ACACB: variants seen among roughly 807,000 people sequenced by gnomAD.
ACACB encodes acetyl-CoA carboxylase beta.
A neutral mutation model predicts 278.8 loss-of-function variants in ACACB; 209 were observed. That is an observed-to-expected ratio of 0.75 (90% CI 0.67 to 0.84). The LOEUF is 0.84. Among genes scored for constraint, ACACB ranks in the 40% least tolerant of loss-of-function variants. ACACB has a pLI of 0.00. For missense variants in ACACB, 2,850 were observed against 3,269.0 expected (o/e 0.87, Z 3.13); for synonymous variants, 1,174 against 1,285.6 (o/e 0.91, Z 1.86).
In ACACB at chr12:109,264,287, T is replaced by G. The variant is rs1252915199; in HGVS notation, c.6843T>G (p.Ala2281=). 8 of 1,614,064 alleles carry G rather than the reference T, an allele frequency of 5.0e-6. No individual in the cohort carries two copies. Among genetic ancestry groups the G allele is most frequent in the Admixed American group, 3.3e-5 (2 of 60,008 alleles). Residue 2281 remains alanine (A), a synonymous_variant, in exon 50 of 53, where the codon GCT becomes GCG. Transcript: ENST00000338432. ...AGGACCTGGAGGGCCGGCTAAAGGC[T>G]CGCGAGGACCTGCTGCTCCCCATCT... ...DRKDLEGRLK[A]REDLLLPIYH...
rs940389472 is a variant in ACACB at position 109,246,361 on chromosome 12, A to G, written c.5484A>G (p.Ala1828=). ...RAEGIPKIYV[A]ANSGARIGMA... ...AGGGCATTCCCAAAATTTACGTGGC[A>G]GCCAACAGTGGCGCCCGTATTGGCA... is the stretch of plus-strand genomic sequence containing the variant. The change falls in exon 39 of 53, where the codon GCA becomes GCG. Residue 1828 remains alanine (A), a synonymous_variant. Coordinates refer to ENST00000338432, the MANE Select transcript of ACACB (RefSeq NM_001093.4). 1.2e-6 allele frequency: 2 copies of G among 1,613,186 alleles called. No homozygotes were observed. Among genetic ancestry groups the G allele is most frequent in the Admixed American group, 1.7e-5 (1 of 59,816 alleles).
intron 26 of ACACB, among the ~76,000 whole-genome samples, chr12:109,223,230 G>A (rs1036226294): frequency 2.0e-5 from 3 of 152,070 alleles, no homozygotes; most frequent in Admixed American, 6.6e-5. Flanking sequence ...GCTGAGTCGC[G>A]GCCTCATCTT....
intron 19 of ACACB, among the ~76,000 whole-genome samples, chr12:109,205,406 C>T (rs2045472072): frequency 6.6e-6 from 1 of 151,740 alleles, no homozygotes; most frequent in Admixed American, 6.6e-5. Context: ...TGGGGACCCA[C>T]ATGGAGAAGC....
At chr12:109,250,262 C>A (rs997444531) in intron 41 of ACACB, among the ~76,000 whole-genome samples, 158 bp downstream of exon 41, 2 of 152,274 alleles carry the variant, frequency 1.3e-5, no homozygotes, top group Middle Eastern at 3.4e-3. Flanking sequence ...CTCAATCTCA[C>A]CCCCATCCCC....
chr12:109,180,284 T>C (rs2044423014), intron 11 of ACACB, among the ~76,000 whole-genome samples, 197 bp downstream of exon 11: 2 of 152,342 alleles, frequency 1.3e-5, no homozygotes, highest in Middle Eastern at 3.4e-3. Flanking sequence ...AGGACATTCA[T>C]AGACCTAGAG....
At chr12:109,233,170 G>C (rs953022027) in intron 29 of ACACB, among the ~76,000 whole-genome samples, 2 of 152,118 alleles carry the variant, frequency 1.3e-5, no homozygotes, top group Non-Finnish European at 2.9e-5. Flanking sequence ...AATAATAAAG[G>C]ACTCACTTCA....
chr12:109,250,708 A>G (rs112832505), intron 41 of ACACB, among the ~76,000 whole-genome samples: 3 of 152,014 alleles, frequency 2.0e-5, no homozygotes, highest in African/African-American at 4.8e-5. Flanking sequence ...TGGTGGTGGT[A>G]GTAGTAGTAG....
In ACACB at chr12:109,185,585, A is replaced by G. The variant is rs2044627271; in HGVS notation, c.1825A>G (p.Met609Val). 1.2e-6 allele frequency: 2 copies of G among 1,613,800 alleles called. No homozygotes were observed. Among genetic ancestry groups the G allele is most frequent in the Non-Finnish European group, 1.7e-6 (2 of 1,179,996 alleles). ...NLPAAQLQIA[M>V]GVPLHRLKDI... ...TTGGATCTCTTGATTTTAGATCGCCATGGGCGTGCCACTGCACCGGCTGAA... is the reference window on the plus strand; with the variant it reads ...TTGGATCTCTTGATTTTAGATCGCCGTGGGCGTGCCACTGCACCGGCTGAA... Residue 609 changes from methionine (M) to valine (V), a missense_variant, in exon 12 of 53, where the codon ATG becomes GTG. Around this residue, in one of 3 missense-constraint regions of ACACB, gnomAD observed 2,265 missense variants for 2,561.3 expected, o/e 0.88. Coordinates refer to ENST00000338432, the MANE Select transcript of ACACB (RefSeq NM_001093.4).
intron 49 of ACACB, 184 bp from the exon 50 acceptor site, chr12:109,264,039 GGGGGACCTA>G: frequency 1.5e-6 from 1 of 646,702 alleles, no homozygotes; most frequent in Non-Finnish European, 2.6e-6. Flanking sequence ...AGTGGACTCT[GGGGGACCTA>G]GGGGGCTGAG....
At chr12:109,217,597 G>C (rs2046041958) in intron 24 of ACACB, among the ~76,000 whole-genome samples, 1 of 152,074 alleles carries the variant, frequency 6.6e-6, no homozygotes, top group Non-Finnish European at 1.5e-5. Flanking sequence ...CCAGGAGTTT[G>C]AGACGAGCCT....
Position 109,232,822 on chromosome 12 carries a change from C to A in ACACB, c.4139+16C>A. 6.2e-7 allele frequency: 1 copy of A among 1,613,676 alleles called. No individual in the cohort carries two copies. The highest frequency in any genetic ancestry group is 8.5e-7 in the Non-Finnish European group (1 of 1,179,794). ...ACTTCACCAGGTACCCAGCATGGCC[C>A]GGTCTCCAACACCCTGAGCATGGGG... On this transcript the variant is annotated intron_variant, in intron 29 of 52. Coordinates refer to ENST00000338432, the MANE Select transcript of ACACB (RefSeq NM_001093.4).
intron 2 of ACACB, 107 bp from the exon 3 acceptor site, chr12:109,166,754 G>GCT: frequency 7.0e-7 from 1 of 1,426,586 alleles, no homozygotes; most frequent in Non-Finnish European, 9.6e-7. Context: ...AAGCAGGGGG[G>GCT]CTCTGGTGCA....
At chr12:109,218,723 G>C (rs137883892) in intron 24 of ACACB, among the ~76,000 whole-genome samples, 2,346 of 143,816 alleles carry the variant, frequency 0.016, 32 homozygotes, top group Middle Eastern at 0.033. Context: ...GCATAATCTT[G>C]GCTCACTGCA....
At position 109,253,017 on chromosome 12, in the gene ACACB, C is replaced by G; in HGVS notation, c.5904C>G (p.Val1968=). The part of the protein sequence containing the change: ...ILTGASALNK[V]LGREVYTSNN... ...CTAACCATGTTGTGTCAAAGCAGGT[C>G]CTGGGAAGAGAGGTCTACACATCCA... The change falls in exon 43 of 53, where the codon GTC becomes GTG. Residue 1968 remains valine (V), a splice_region_variant and synonymous_variant. Transcript: ENST00000338432. 2.5e-6 allele frequency: 4 copies of G among 1,604,084 alleles called. No homozygotes were observed. The highest frequency in any genetic ancestry group is 3.4e-6 in the Non-Finnish European group (4 of 1,174,778).
rs1308782239 is a variant in ACACB at position 109,139,933 on chromosome 12, CGAG to C, written c.531_533del (p.Glu177del). The C allele has an allele frequency of 6.8e-6, 11 of 1,614,046 alleles. No homozygotes were observed. The highest frequency in any genetic ancestry group is 9.3e-6 in the Non-Finnish European group (11 of 1,180,036). On this transcript the variant is annotated inframe_deletion, in exon 2 of 53. Transcript: ENST00000338432. The stretch of plus-strand genomic sequence containing the variant: ...GCTCTTTTGATGACTACTCCTCCGA[CGAG>C]GACTCTGTTGCTGGCTCATCTCGTG...
In ACACB at chr12:109,189,179, C is replaced by G. The variant is rs532613453; in HGVS notation, c.2144+1017C>G. 9.5e-4 allele frequency among the ~76,000 whole-genome samples: 145 copies of G among 152,310 alleles called. 1 individual carries two copies. Among genetic ancestry groups the G allele is most frequent in the Admixed American group, 2.6e-3 (40 of 15,292 alleles). On this transcript the variant is annotated intron_variant, in intron 13 of 52. Coordinates refer to ENST00000338432, the MANE Select transcript of ACACB (RefSeq NM_001093.4). ...TAATTAAATGTTTTTGTGTGGGTAA[C>G]TGCCCTTCGGAGTGAAAAAATCCCA...
chr12:109,227,435 A>T lies in ACACB; in HGVS notation c.3947A>T (p.Asp1316Val). The stretch of plus-strand genomic sequence containing the variant: ...AGCCTGCAGCACCGGCAGCTCCCGG[A>T]CGGCACCTGCGTGGTAGAATTCCAG... ...LNSLQHRQLP[D>V]GTCVVEFQFM... is the part of the protein sequence containing the mutation. The change falls in exon 28 of 53, where the codon GAC becomes GTC. Residue 1316 changes from aspartate (D) to valine (V), a missense_variant. By Grantham distance (152) the Asp-to-Val change is radical. Coordinates refer to ENST00000338432, the MANE Select transcript of ACACB (RefSeq NM_001093.4). The T allele has an allele frequency of 6.2e-7, 1 of 1,613,802 alleles. No homozygotes were observed. Among genetic ancestry groups the T allele is most frequent in the Non-Finnish European group, 8.5e-7 (1 of 1,179,934 alleles).
Position 109,187,430 on chromosome 12 carries a change from A to ATTTT in ACACB, c.1981-568_1981-565dup, listed in dbSNP as rs2044701276. On this transcript the variant is annotated intron_variant, in intron 12 of 52. Transcript: ENST00000338432. ...CTACCATCTCTGTCCCAACTCGCTTATTTTATTTATTTATTTATTTATTTA... is the reference window on the plus strand; with the variant it reads ...CTACCATCTCTGTCCCAACTCGCTTATTTTTTTTATTTATTTATTTATTTATTTA... 1.4e-4 allele frequency among the ~76,000 whole-genome samples: 21 copies of ATTTT among 147,400 alleles called. No homozygotes were observed. The South Asian group carries it at 4.5e-3, about 32-fold the overall frequency.
chr12:109,139,998 C>A lies in ACACB; in HGVS notation c.593C>A (p.Ala198Asp). 1 of 1,612,104 alleles carries A rather than the reference C, an allele frequency of 6.2e-7. No homozygotes were observed. Among genetic ancestry groups the A allele is most frequent in the Non-Finnish European group, 8.5e-7 (1 of 1,179,896 alleles). ...AAGGGCAGCCGGGCCAGCTTGGGGGCCCTGTCCCTGGAGGCTTATCTGACC... is the reference window on the plus strand; with the variant it reads ...AAGGGCAGCCGGGCCAGCTTGGGGGACCTGTCCCTGGAGGCTTATCTGACC... ...TRKGSRASLG[A>D]LSLEAYLTTG... is the part of the protein sequence containing the mutation. Residue 198 changes from alanine to aspartate, a missense_variant, in exon 2 of 53, where the codon GCC becomes GAC. Physicochemically the swap from Ala to Asp is moderately radical, Grantham distance 126. Transcript: ENST00000338432.
Sources: gnomAD v4.1 joint callset for allele counts (sites outside exome capture counted in the v4.1 genomes callset) on GRCh38, gnomAD v4.1.1 for gene constraint, gnomAD v4.1.1 regional missense constraint, MANE v1.5 for transcripts, NCBI Gene and HGNC (gene_info 2026-07-23, HGNC 2026-07-21) for gene names.